Variants in ASPH observed in about 807,000 individuals in gnomAD.
The protein encoded by ASPH is aspartate beta-hydroxylase.
In ASPH, 100 loss-of-function variants were observed where a neutral mutation model predicts 118.4. The observed-to-expected ratio is 0.84, with a 90% confidence interval of 0.72 to 1.00. The LOEUF is 1.00. ASPH is among the 50% of genes least tolerant of loss of function. The pLI is 0.00. For synonymous variants in ASPH, 315 were observed against 325.6 expected, an observed-to-expected ratio of 0.97 and a Z score of 0.35; for missense variants, 920 against 919.5, an observed-to-expected ratio of 1.00 and a Z score of -0.01.
chr8:61,690,526 A>G (rs907508342), intron 1 of ASPH, among the ~76,000 whole-genome samples: 1 of 152,158 alleles, frequency 6.6e-6, no homozygotes, highest in Non-Finnish European at 1.5e-5. Flanking sequence ...CTTCTCCCCA[A>G]CCTCATCTCC....
At chr8:61,579,060 A>G in intron 15 of ASPH, 1 of 1,611,100 alleles carries the variant, frequency 6.2e-7, no homozygotes. Flanking sequence ...GGCTGAGAGC[A>G]TGTACCAGAT....
intron 6 of ASPH, among the ~76,000 whole-genome samples, chr8:61,646,394 A>G (rs1304982630): frequency 6.6e-6 from 1 of 152,212 alleles, no homozygotes; most frequent in Non-Finnish European, 1.5e-5. Context: ...TACAGAGTTC[A>G]TGTGTGAACA....
chr8:61,649,069 G>A (rs1217555036), intron 5 of ASPH, among the ~76,000 whole-genome samples: 2 of 152,110 alleles, frequency 1.3e-5, no homozygotes, highest in African/African-American at 4.8e-5. Context: ...CAACTGGCTG[G>A]GCCACATTAA....
chr8:61,517,809 A>T (rs774180420), intron 23 of ASPH, 148 bp from the exon 24 acceptor site: 3 of 1,258,514 alleles, frequency 2.4e-6, no homozygotes, highest in Non-Finnish European at 3.2e-6. Context: ...TTCTTTGTGA[A>T]GGAACTAAAA....
intron 4 of ASPH, among the ~76,000 whole-genome samples, chr8:61,653,212 C>T (rs565261796): frequency 1.3e-5 from 2 of 152,160 alleles, no homozygotes; most frequent in South Asian, 4.2e-4. Flanking sequence ...TATTAAATCA[C>T]GTGACAAATG....
chr8:61,533,082 ATTCATTTC>A (rs1204195319), intron 21 of ASPH, among the ~76,000 whole-genome samples: 38 of 149,536 alleles, frequency 2.5e-4, no homozygotes, highest in South Asian at 1.9e-3. Context: ...TTCTAATATT[ATTCATTTC>A]TTCATTTCTT....
chr8:61,616,897 T>C (rs190060729), intron 14 of ASPH, among the ~76,000 whole-genome samples: 1 of 152,352 alleles, frequency 6.6e-6, no homozygotes, highest in Admixed American at 6.5e-5. Context: ...ACCTGGTCTG[T>C]CTTGCTCTCA....
At chr8:61,630,191 A>G (rs1438825023) in intron 13 of ASPH, among the ~76,000 whole-genome samples, 1 of 152,226 alleles carries the variant, frequency 6.6e-6, no homozygotes, top group African/African-American at 2.4e-5. Context: ...GTATTAGGAT[A>G]ATCAGAGAAG....
At chr8:61,639,795 A>G (rs1318083111) in intron 10 of ASPH, among the ~76,000 whole-genome samples, 1 of 152,146 alleles carries the variant, frequency 6.6e-6, no homozygotes, top group Non-Finnish European at 1.5e-5. Context: ...ATCATCATGT[A>G]AAGAACTGGA....
intron 16 of ASPH, among the ~76,000 whole-genome samples, chr8:61,567,980 G>T (rs547328219): frequency 1.3e-5 from 2 of 152,102 alleles, no homozygotes; most frequent in South Asian, 4.1e-4. Context: ...ATTCTAGGCA[G>T]GGAAAAGAGC....
intron 14 of ASPH, among the ~76,000 whole-genome samples, chr8:61,617,709 T>C (rs1326086684): frequency 6.6e-6 from 1 of 151,462 alleles, no homozygotes; most frequent in Admixed American, 6.6e-5. Flanking sequence ...GGTGGGAGGA[T>C]TACAACAAGG....
At chr8:61,673,594 A>C (rs1823713088) in intron 3 of ASPH, among the ~76,000 whole-genome samples, 1 of 152,192 alleles carries the variant, frequency 6.6e-6, no homozygotes, top group Non-Finnish European at 1.5e-5. Context: ...ATTCAAATTA[A>C]TGGGATATGA....
At chr8:61,664,471 T>C (rs1386118632) in intron 3 of ASPH, 5 of 984,524 alleles carry the variant, frequency 5.1e-6, no homozygotes, top group African/African-American at 1.7e-5. Flanking sequence ...CCTTTATTCA[T>C]GGCTATGGCC....
chr8:61,650,858 G>A (rs780415353), intron 5 of ASPH, among the ~76,000 whole-genome samples, 192 bp downstream of exon 5: 1 of 152,032 alleles, frequency 6.6e-6, no homozygotes, highest in Non-Finnish European at 1.5e-5. Flanking sequence ...GTTCCTCCAC[G>A]GTGAAGTAGA....
intron 13 of ASPH, among the ~76,000 whole-genome samples, chr8:61,632,824 A>G (rs143638014): frequency 6.6e-6 from 1 of 152,328 alleles, no homozygotes; most frequent in Non-Finnish European, 1.5e-5. Context: ...GGCAGGCACA[A>G]TTAGTTCTAC....
intron 13 of ASPH, chr8:61,625,372 G>A (rs963252802): frequency 8.1e-6 from 8 of 985,570 alleles, no homozygotes; most frequent in African/African-American, 3.5e-5. Flanking sequence ...AGCACTGAGC[G>A]GTCTCTAGTG....
intron 24 of ASPH, among the ~76,000 whole-genome samples, chr8:61,505,252 T>C (rs1201357349): frequency 1.3e-5 from 2 of 152,182 alleles, no homozygotes; most frequent in African/African-American, 4.8e-5. Flanking sequence ...TCTCAGCACT[T>C]TGGGAGGCTG....
rs1377212294 is a variant in ASPH at position 61,582,328 on chromosome 8, TG to T, written c.1062+1615del. ...AAATCCTTCTCTAAAGCTGCTCATA[TG>T]TTTTTTACACCAAAAGTCACCTGTG... On this transcript the variant is annotated intron_variant, in intron 15 of 24. Coordinates refer to ENST00000379454, the MANE Select transcript of ASPH (RefSeq NM_004318.4). Among the ~76,000 whole-genome samples the T allele has an allele frequency of 7.9e-5, 12 of 152,112 alleles. No individual in the cohort carries two copies. In the East Asian group the frequency reaches 1.7e-3, roughly 22 times the overall value.
At chr8:61,694,483 A>C (rs1291432143) in intron 1 of ASPH, among the ~76,000 whole-genome samples, 1 of 152,088 alleles carries the variant, frequency 6.6e-6, no homozygotes, top group Non-Finnish European at 1.5e-5. Flanking sequence ...ATGTCACATC[A>C]ATGATTTCCA....
Sources: gnomAD v4.1 joint callset for allele counts (sites outside exome capture counted in the v4.1 genomes callset) on GRCh38, gnomAD v4.1.1 for gene constraint, MANE v1.5 for transcripts, NCBI Gene and HGNC (gene_info 2026-07-23, HGNC 2026-07-21) for gene names.